The following ABI3BP variants were observed in gnomAD, a reference collection of about 807,000 sequenced individuals.
ABI3BP encodes the protein ABI family member 3 binding protein, also known as target of Nesh-SH3.
Under a neutral mutation model 268.6 loss-of-function variants are expected in ABI3BP, and 216 were observed. The ratio of observed to expected loss-of-function variants is 0.80; its 90% CI spans 0.72 to 0.90. The LOEUF (loss-of-function observed/expected upper bound fraction) is 0.90, where lower values mean the gene tolerates loss of function less well. ABI3BP is among the 40% of genes least tolerant of loss of function. The pLI is 0.00. For missense variants in ABI3BP, 2,090 were observed against 2,182.4 expected, an observed-to-expected ratio of 0.96 and a Z score of 0.84; for synonymous variants, 730 against 730.0, an observed-to-expected ratio of 1.00 and a Z score of 0.00.
intron 15 of ABI3BP, 61 bp downstream of exon 15, chr3:100,851,813 GA>G (rs1227456188): frequency 7.1e-7 from 1 of 1,406,110 alleles, no homozygotes; most frequent in African/African-American, 1.5e-5. Flanking sequence ...AAAACTAAAG[GA>G]AGAACCACCA....
chr3:100,777,859 G>C (rs1277141901), intron 59 of ABI3BP, among the ~76,000 whole-genome samples: 1 of 152,154 alleles, frequency 6.6e-6, no homozygotes, highest in Non-Finnish European at 1.5e-5. Flanking sequence ...TACCAGGCCT[G>C]GCATGAAGGC....
intron 63 of ABI3BP, among the ~76,000 whole-genome samples, chr3:100,757,690 G>T (rs981865629): frequency 6.6e-6 from 1 of 152,186 alleles, no homozygotes; most frequent in Non-Finnish European, 1.5e-5. Context: ...GGCAAAGGAT[G>T]TATAGGAATT....
chr3:100,776,334 G>C (rs16842822), intron 59 of ABI3BP, among the ~76,000 whole-genome samples: 18,513 of 152,152 alleles, frequency 0.12, 1,839 homozygotes, highest in East Asian at 0.31. Flanking sequence ...ACCCTAGTGA[G>C]TATGAGCCAC....
intron 64 of ABI3BP, among the ~76,000 whole-genome samples, chr3:100,754,274 G>A (rs764748773): frequency 6.6e-6 from 1 of 152,210 alleles, no homozygotes; most frequent in Admixed American, 6.5e-5. Flanking sequence ...GTCTAATTGG[G>A]AAGTTTGACA....
intron 51 of ABI3BP, among the ~76,000 whole-genome samples, chr3:100,800,213 C>T (rs2097489109): frequency 6.9e-6 from 1 of 143,974 alleles, no homozygotes; most frequent in African/African-American, 2.6e-5. Flanking sequence ...GGCTATTAAT[C>T]TTTTTTTTTT....
At position 100,852,082 on chromosome 3, in the gene ABI3BP, C is replaced by T. The variant is rs533432025; in HGVS notation, c.1286-142G>A. The stretch of plus-strand genomic sequence containing the variant: ...ACTGGTACATTTTGGCTCCAGGCTG[C>T]CAGCCTTGTCACTAACATCTAAGCA... On this transcript the variant is annotated intron_variant, in intron 14 of 67. Transcript: ENST00000471714. The T allele has an allele frequency of 8.5e-6, 6 of 704,462 alleles. No individual in the cohort carries two copies. In the African/African-American group the frequency reaches 1.1e-4, roughly 13 times the overall value. 43.6% of individuals were successfully genotyped at this position (704,462 alleles called of 1,614,324 possible). A position where few individuals can be genotyped will look rare whatever the true frequency, so the allele number is the denominator to read the frequency against.
In ABI3BP at chr3:100,916,961, T is replaced by C. The variant is rs923940723; in HGVS notation, c.259+9341A>G. On this transcript the variant is annotated intron_variant, in intron 2 of 67. Coordinates refer to ENST00000471714, the MANE Select transcript of ABI3BP (RefSeq NM_001375547.2). ...TTGAAAGGGAGCACAATTAATTATA[T>C]CAGAACAGCAGGTGTCAACCATGAC... Among the ~76,000 whole-genome samples the C allele has an allele frequency of 4.6e-5, 7 of 152,170 alleles. No individual in the cohort carries two copies. In the South Asian group the frequency reaches 8.3e-4, roughly 18 times the overall value.
intron 65 of ABI3BP, among the ~76,000 whole-genome samples, chr3:100,753,233 G>A (rs2095432168): frequency 6.6e-6 from 1 of 152,056 alleles, no homozygotes; most frequent in South Asian, 2.1e-4. Flanking sequence ...CTTTTTTGTA[G>A]CATGTTATAA....
At chr3:100,988,213 GT>G (rs1299078196) in intron 1 of ABI3BP, among the ~76,000 whole-genome samples, 2 of 152,158 alleles carry the variant, frequency 1.3e-5, no homozygotes, top group African/African-American at 4.8e-5. Flanking sequence ...ACACATTCTT[GT>G]TTTGTCAAAG....
chr3:100,849,934 T>C, intron 17 of ABI3BP, 111 bp downstream of exon 17: 1 of 863,196 alleles, frequency 1.2e-6, no homozygotes, highest in Non-Finnish European at 1.9e-6. Flanking sequence ...TGAAGGGAAA[T>C]ATTTAGCAAA....
At chr3:100,827,359 G>A (rs1412724577) in intron 34 of ABI3BP, among the ~76,000 whole-genome samples, 1 of 152,062 alleles carries the variant, frequency 6.6e-6, no homozygotes, top group Non-Finnish European at 1.5e-5. Flanking sequence ...CCCTCACTAA[G>A]GGGTATGTGA....
At chr3:100,987,830 T>A (rs1477726122) in intron 1 of ABI3BP, among the ~76,000 whole-genome samples, 1 of 152,232 alleles carries the variant, frequency 6.6e-6, no homozygotes, top group African/African-American at 2.4e-5. Context: ...ACCATTGATA[T>A]GTAACATGAT....
intron 3 of ABI3BP, among the ~76,000 whole-genome samples, chr3:100,901,525 A>G (rs1389004897): frequency 6.6e-6 from 1 of 152,176 alleles, no homozygotes; most frequent in Non-Finnish European, 1.5e-5. Context: ...GCACTTTGGG[A>G]GAGCGAGGTG....
chr3:100,931,930 G>A (rs977530108), intron 1 of ABI3BP, among the ~76,000 whole-genome samples: 1 of 151,938 alleles, frequency 6.6e-6, no homozygotes, highest in African/African-American at 2.4e-5. Context: ...AAAGCTAGAG[G>A]CATCAAACTA....
At chr3:100,902,765 G>T in intron 2 of ABI3BP, 79 bp from the exon 3 acceptor site, 1 of 1,198,128 alleles carries the variant, frequency 8.3e-7, no homozygotes, top group South Asian at 1.3e-5. Context: ...CCCTGATTCA[G>T]CATTCCCTGA....
At chr3:100,811,854 A>C (rs1191039718) in intron 46 of ABI3BP, 55 bp from the exon 47 acceptor site, 2 of 1,196,410 alleles carry the variant, frequency 1.7e-6, no homozygotes, top group Non-Finnish European at 2.4e-6. Context: ...AGCACACTGT[A>C]ATAGAACCCT....
intron 40 of ABI3BP, among the ~76,000 whole-genome samples, chr3:100,819,947 C>CAAAAA (rs3029879): frequency 2.3e-4 from 22 of 94,528 alleles, no homozygotes; most frequent in East Asian, 6.9e-4. Context: ...GACTCCGTCT[C>CAAAAA]AAAAAAAAAA....
chr3:100,920,657 G>A (rs1213092585), intron 2 of ABI3BP, among the ~76,000 whole-genome samples: 6 of 152,020 alleles, frequency 3.9e-5, no homozygotes, highest in African/African-American at 9.7e-5. Context: ...TCCTGACCTC[G>A]TGATCCACCT....
intron 1 of ABI3BP, among the ~76,000 whole-genome samples, chr3:100,939,299 CTCAT>C (rs2067748312): frequency 6.6e-6 from 1 of 152,118 alleles, no homozygotes; most frequent in Non-Finnish European, 1.5e-5. Context: ...CAGTGAAAAA[CTCAT>C]TCAAACATCT....
Sources: gnomAD v4.1 joint callset for allele counts (sites outside exome capture counted in the v4.1 genomes callset) on GRCh38, gnomAD v4.1.1 for gene constraint, MANE v1.5 for transcripts, NCBI Gene and HGNC (gene_info 2026-07-23, HGNC 2026-07-21) for gene names.